Variants in STK4 observed in about 807,000 individuals in gnomAD.
STK4 encodes the protein serine/threonine kinase 4.
STK4 carries 30 observed loss-of-function variants against 64.9 expected under a neutral mutation model. The observed-to-expected ratio is 0.46, with a 90% CI of 0.35 to 0.63. The LOEUF (loss-of-function observed/expected upper bound fraction) is 0.63, where lower values mean the gene tolerates loss of function less well. Among genes scored for constraint, STK4 ranks in the 20% least tolerant of loss-of-function variants. The pLI is 0.01. For missense variants in STK4, 466 were observed against 598.5 expected (o/e 0.78, Z 2.31); for synonymous variants, 177 against 199.0 (o/e 0.89, Z 0.93).
At chr20:45,010,602 A>C (rs148198538) in intron 9 of STK4, among the ~76,000 whole-genome samples, 1 of 152,350 alleles carries the variant, frequency 6.6e-6, no homozygotes, top group Non-Finnish European at 1.5e-5. Flanking sequence ...TTGTGATTAT[A>C]TAATGAGTAA....
rs949931106 is a variant in STK4 at position 45,012,138 on chromosome 20, C to A, written c.1147+10785C>A. Among the ~76,000 whole-genome samples, 6 of 151,818 alleles carry A rather than the reference C, an allele frequency of 4.0e-5. No individual in the cohort carries two copies. In the East Asian group the frequency reaches 7.7e-4, roughly 20 times the overall value. Reference sequence around the variant, plus strand: ...GCAACCTCTGCCTCCTGGGTTCAAGCAATTCCCCTGTCTCAACTTCCCAAG... The same window carrying A: ...GCAACCTCTGCCTCCTGGGTTCAAGAAATTCCCCTGTCTCAACTTCCCAAG... On this transcript the variant is annotated intron_variant, in intron 9 of 10. Coordinates refer to ENST00000372806, the MANE Select transcript of STK4 (RefSeq NM_006282.5).
In STK4 at chr20:45,077,438, T is replaced by C. The variant is rs887354101; in HGVS notation, c.*2262T>C. ...TATTCTTTGAGATGGATTTTCGCTC[T>C]TGTCGCCCAGGCTGGAGTACAATGG... On this transcript the variant is annotated 3_prime_UTR_variant, in exon 11 of 11. Coordinates refer to ENST00000372806, the MANE Select transcript of STK4 (RefSeq NM_006282.5). The C allele has an allele frequency of 3.9e-5, 6 of 152,550 alleles. No individual in the cohort carries two copies. Among genetic ancestry groups the C allele is most frequent in the African/African-American group, 1.2e-4 (5 of 41,470 alleles). 9.4% of individuals were successfully genotyped at this position (152,550 alleles called of 1,614,324 possible).
At chr20:45,070,721 A>G (rs1305105086) in intron 10 of STK4, among the ~76,000 whole-genome samples, 1 of 152,108 alleles carries the variant, frequency 6.6e-6, no homozygotes, top group Non-Finnish European at 1.5e-5. Flanking sequence ...CCCTGTCTCT[A>G]CTAAAAATAC....
chr20:45,075,081 C>A lies in STK4; in HGVS notation c.1369C>A (p.Gln457Lys), dbSNP rs376065907. ...RLLALDPMME[Q>K]EIEEIRQKYQ... Reference sequence around the variant, plus strand: ...CTTGGCCCTGGACCCCATGATGGAGCAGGAGATTGAAGAGATCCGGCAGAA... The same window carrying A: ...CTTGGCCCTGGACCCCATGATGGAGAAGGAGATTGAAGAGATCCGGCAGAA... Residue 457 changes from glutamine (Q) to lysine (K), a missense_variant, in exon 11 of 11, where the codon CAG becomes AAG. Physicochemically the swap from Gln to Lys is moderately conservative, Grantham distance 53 (BLOSUM62 1). Coordinates refer to ENST00000372806, the MANE Select transcript of STK4 (RefSeq NM_006282.5). 36 of 1,614,060 alleles carry A rather than the reference C, an allele frequency of 2.2e-5. No individual in the cohort carries two copies. Among genetic ancestry groups the A allele is most frequent in the Non-Finnish European group, 2.9e-5 (34 of 1,180,042 alleles).
intron 10 of STK4, among the ~76,000 whole-genome samples, chr20:45,049,907 C>A (rs1040817716): frequency 1.3e-5 from 2 of 152,176 alleles, no homozygotes; most frequent in Non-Finnish European, 2.9e-5. Context: ...CTTTCCACTT[C>A]CTTCCCCTCC....
rs375069525 is a variant in STK4, at chr20:45,075,227, C to A, written c.*51C>A. On this transcript the variant is annotated 3_prime_UTR_variant, in exon 11 of 11. Transcript: ENST00000372806. The stretch of plus-strand genomic sequence containing the variant: ...GCTCCACCCAGGCTTTGGGTGAATT[C>A]TGGATGGCTTGCCTCATGTTTGTTA... The A allele has an allele frequency of 1.3e-6, 2 of 1,593,588 alleles. No individual in the cohort carries two copies. Among genetic ancestry groups the A allele is most frequent in the African/African-American group, 2.7e-5 (2 of 74,542 alleles).
intron 7 of STK4, 55 bp from the exon 8 acceptor site, chr20:45,000,337 T>G: frequency 6.4e-7 from 1 of 1,574,606 alleles, no homozygotes; most frequent in Non-Finnish European, 8.6e-7. Context: ...CAGGTACTGT[T>G]TTGGCACTGT....
intron 10 of STK4, among the ~76,000 whole-genome samples, chr20:45,045,223 T>C (rs962197286): frequency 6.6e-6 from 1 of 152,202 alleles, no homozygotes; most frequent in Admixed American, 6.5e-5. Flanking sequence ...TAAAGATGCA[T>C]TCATAGTTTG....
At chr20:45,007,546 C>CAAAAAAAA (rs1390989727) in intron 9 of STK4, among the ~76,000 whole-genome samples, 12 of 149,824 alleles carry the variant, frequency 8.0e-5, no homozygotes, top group African/African-American at 2.8e-4. Flanking sequence ...GACTCCATCT[C>CAAAAAAAA]AAAAAACAAA....
At chr20:45,008,541 G>C (rs960850518) in intron 9 of STK4, among the ~76,000 whole-genome samples, 4 of 152,172 alleles carry the variant, frequency 2.6e-5, no homozygotes, top group African/African-American at 9.7e-5. Context: ...TTGGTAAAAT[G>C]ATTTATTTTC....
chr20:45,031,519 G>GA (rs1555818779), intron 10 of STK4, among the ~76,000 whole-genome samples: 1 of 152,126 alleles, frequency 6.6e-6, no homozygotes, highest in Non-Finnish European at 1.5e-5. Flanking sequence ...GTAACGGAAA[G>GA]AAAATACAAC....
At chr20:45,049,207 T>C (rs1034849908) in intron 10 of STK4, among the ~76,000 whole-genome samples, 2 of 152,170 alleles carry the variant, frequency 1.3e-5, no homozygotes, top group African/African-American at 4.8e-5. Flanking sequence ...GAGAGCAAAC[T>C]TGAATCTACT....
chr20:45,059,102 C>T (rs1054531270), intron 10 of STK4, among the ~76,000 whole-genome samples: 2 of 152,168 alleles, frequency 1.3e-5, no homozygotes, highest in East Asian at 3.9e-4. Context: ...TCAGTCAGAA[C>T]GTTTCTGTTC....
chr20:44,992,863 T>C (rs774485401), intron 5 of STK4, among the ~76,000 whole-genome samples: 2 of 151,882 alleles, frequency 1.3e-5, no homozygotes, highest in Non-Finnish European at 2.9e-5. Context: ...CCCGGCTAAT[T>C]TTTTGTACTT....
At chr20:45,011,730 T>TATATATATATATATATATATATATA (rs1555813605) in intron 9 of STK4, among the ~76,000 whole-genome samples, 119 of 83,406 alleles carry the variant, frequency 1.4e-3, no homozygotes, top group Non-Finnish European at 1.9e-3. Flanking sequence ...TATATATATA[T>TATATATATATATATATATATATATA]TTTTTTTTTT....
Position 44,982,498 on chromosome 20 carries a change from T to G in STK4, c.360+555T>G, listed in dbSNP as rs140142215. ...TTAGCATGCTTTGGTTATTTCTTACTGGGAAGAAAATGACTGTTAGATCTT... is the reference window on the plus strand; with the variant it reads ...TTAGCATGCTTTGGTTATTTCTTACGGGGAAGAAAATGACTGTTAGATCTT... On this transcript the variant is annotated intron_variant, in intron 4 of 10. Coordinates refer to ENST00000372806, the MANE Select transcript of STK4 (RefSeq NM_006282.5). 4.5e-3 allele frequency among the ~76,000 whole-genome samples: 692 copies of G among 152,204 alleles called. 7 individuals are homozygous for G. Among genetic ancestry groups the G allele is most frequent in the African/African-American group, 0.016 (647 of 41,530 alleles).
intron 10 of STK4, among the ~76,000 whole-genome samples, chr20:45,048,562 G>T (rs1057281889): frequency 4.6e-5 from 7 of 151,980 alleles, no homozygotes; most frequent in African/African-American, 1.7e-4. Context: ...CTGGAGTGCA[G>T]TGGCGTGGTC....
chr20:45,047,940 G>A (rs918486394), intron 10 of STK4, among the ~76,000 whole-genome samples: 21 of 152,324 alleles, frequency 1.4e-4, no homozygotes, highest in African/African-American at 4.8e-4. Context: ...GCCTTCAAGA[G>A]CCCTCAAACT....
At chr20:45,020,616 G>A (rs1466346227) in intron 9 of STK4, among the ~76,000 whole-genome samples, 1 of 152,032 alleles carries the variant, frequency 6.6e-6, no homozygotes, top group Non-Finnish European at 1.5e-5. Flanking sequence ...TCTGTAAGTT[G>A]GCAGTTAGGT....
Sources: gnomAD v4.1 joint callset for allele counts (sites outside exome capture counted in the v4.1 genomes callset) on GRCh38, gnomAD v4.1.1 for gene constraint, MANE v1.5 for transcripts, NCBI Gene and HGNC (gene_info 2026-07-23, HGNC 2026-07-21) for gene names.